The following FRMD4B variants were observed in gnomAD, a reference collection of about 807,000 sequenced individuals.
The protein encoded by FRMD4B is FERM domain-containing protein 4B.
FRMD4B carries 74 observed loss-of-function variants against 141.5 expected under a neutral mutation model. That is an observed-to-expected ratio of 0.52 (90% CI 0.43 to 0.63). The LOEUF (loss-of-function observed/expected upper bound fraction) is 0.63, where lower values mean the gene tolerates loss of function less well. Ranked by LOEUF, FRMD4B falls within the 30% of genes least tolerant of loss-of-function variation. The probability of loss-of-function intolerance (pLI) is 0.00; values close to 1 mark genes in which losing one functional copy is unlikely to be tolerated. For synonymous variants in FRMD4B, 506 were observed against 467.9 expected, an observed-to-expected ratio of 1.08 and a Z score of -1.05; for missense variants, 1,366 against 1,253.4, an observed-to-expected ratio of 1.09 and a Z score of -1.36.
At chr3:69,499,642 T>C (rs1706459703) in intron 1 of FRMD4B, among the ~76,000 whole-genome samples, 1 of 152,208 alleles carries the variant, frequency 6.6e-6, no homozygotes, top group Admixed American at 6.5e-5. Flanking sequence ...TGAGGAATTC[T>C]CTCTACTGAA....
At chr3:69,311,931 G>A (rs1701606395) in intron 2 of FRMD4B, among the ~76,000 whole-genome samples, 1 of 152,062 alleles carries the variant, frequency 6.6e-6, no homozygotes, top group African/African-American at 2.4e-5. Flanking sequence ...TTTTATAAAT[G>A]AGTCAACCAA....
chr3:69,198,707 T>A lies in FRMD4B; in HGVS notation c.944A>T (p.Asp315Val). The A allele has an allele frequency of 6.5e-7, 1 of 1,531,908 alleles. No homozygotes were observed. The highest frequency in any genetic ancestry group is 2.3e-5 in the East Asian group (1 of 43,584). 94.9% of individuals were successfully genotyped at this position (1,531,908 alleles called of 1,614,324 possible). The change falls in exon 12 of 23, where the codon GAT (aspartate) becomes GTT (valine). Residue 315 changes from aspartate (D) to valine (V), a missense_variant. By Grantham distance (152) the Asp-to-Val change is radical. Transcript: ENST00000398540. ...REKKFAVEVH[D>V]PRRISVSRRT... ...CGTCTTTGATCCTCACCTTCGTGGA[T>A]CATGAACTTCAACAGCAAATTTTTT...
At chr3:69,417,309 T>C (rs575465198) in intron 2 of FRMD4B, among the ~76,000 whole-genome samples, 46 of 152,348 alleles carry the variant, frequency 3.0e-4, no homozygotes, top group African/African-American at 7.0e-4. Flanking sequence ...CCAGTGACGA[T>C]GAGCTTTTTT....
intron 13 of FRMD4B, 58 bp from the exon 14 acceptor site, chr3:69,196,454 A>G: frequency 7.6e-7 from 1 of 1,310,542 alleles, no homozygotes; most frequent in Non-Finnish European, 1.1e-6. Flanking sequence ...AATTAATGAA[A>G]CAATTAAGTT....
chr3:69,198,797 G>A (rs781597132), intron 11 of FRMD4B, 23 bp from the exon 12 acceptor site: 8 of 1,228,556 alleles, frequency 6.5e-6, no homozygotes, highest in African/African-American at 1.5e-5. Context: ...GAAAAGCCAG[G>A]AAGTATTATT....
chr3:69,496,634 AGAAAGAGAGAGAGAGAG>A (rs1706399046), intron 1 of FRMD4B, among the ~76,000 whole-genome samples: 2 of 110,096 alleles, frequency 1.8e-5, no homozygotes, highest in South Asian at 6.1e-4. Context: ...AGAGAGAGAG[AGAAAGAGAGAGAGAGAG>A]AGAGAGAGAG....
chr3:69,217,604 A>G (rs1343305256), intron 10 of FRMD4B, among the ~76,000 whole-genome samples: 1 of 152,230 alleles, frequency 6.6e-6, no homozygotes, highest in Non-Finnish European at 1.5e-5. Flanking sequence ...ACTGGGCAAT[A>G]GAGCTAGACT....
intron 5 of FRMD4B, among the ~76,000 whole-genome samples, chr3:69,274,139 A>AG (rs949814359): frequency 1.4e-4 from 21 of 152,150 alleles, no homozygotes; most frequent in African/African-American, 5.1e-4. Flanking sequence ...CAAAGAGCCT[A>AG]GAGTGATAAG....
At chr3:69,413,303 A>G (rs1704792491) in intron 2 of FRMD4B, among the ~76,000 whole-genome samples, 1 of 152,076 alleles carries the variant, frequency 6.6e-6, no homozygotes, top group Admixed American at 6.5e-5. Context: ...CATTATCCTG[A>G]TTATCTCCAT....
chr3:69,505,688 TACA>T (rs1706583616), intron 1 of FRMD4B, among the ~76,000 whole-genome samples: 1 of 152,238 alleles, frequency 6.6e-6, no homozygotes, highest in African/African-American at 2.4e-5. Context: ...CTTATTTATT[TACA>T]ACATGTTACA....
intron 1 of FRMD4B, among the ~76,000 whole-genome samples, chr3:69,452,862 A>G (rs4855408): frequency 0.26 from 39,022 of 152,062 alleles, 5,624 homozygotes; most frequent in East Asian, 0.47. Flanking sequence ...AAAAGTAAGA[A>G]AGAAAAATAG....
At chr3:69,419,218 GAC>G (rs1704927204) in intron 2 of FRMD4B, among the ~76,000 whole-genome samples, 3 of 152,178 alleles carry the variant, frequency 2.0e-5, no homozygotes, top group Admixed American at 6.5e-5. Flanking sequence ...AACTGAAACT[GAC>G]CAAAGCAAGT....
intron 11 of FRMD4B, among the ~76,000 whole-genome samples, chr3:69,207,679 A>G (rs9873171): frequency 0.77 from 117,159 of 151,912 alleles, 46,806 homozygotes; most frequent in Non-Finnish European, 0.88. Flanking sequence ...GTGGTGGGAC[A>G]TGCCTATACT....
chr3:69,496,584 G>C (rs1706391667), intron 1 of FRMD4B, among the ~76,000 whole-genome samples: 1 of 141,378 alleles, frequency 7.1e-6, no homozygotes, highest in Non-Finnish European at 1.5e-5. Context: ...ATAAAGAAGA[G>C]TACAGGTGAA....
rs1160635117 is a variant in FRMD4B at position 69,287,695 on chromosome 3, C to CCCAGTCGCT, written c.501+56_501+57insAGCGACTGG. The CCCAGTCGCT allele has an allele frequency of 9.4e-6, 8 of 848,774 alleles. No individual in the cohort carries two copies. The African/African-American group carries it at 1.0e-4, about 11-fold the overall frequency. The allele number at this position is 848,774 out of a possible 1,614,324, so 52.6% of individuals were successfully genotyped here. Reference sequence around the variant, plus strand: ...AAGAAGAGAGGCAAAACCATTTCTTCCTGTCATCCCAGTCGCTCTGGAGGC... The same window carrying CCCAGTCGCT: ...AAGAAGAGAGGCAAAACCATTTCTTCCCAGTCGCTCTGTCATCCCAGTCGCTCTGGAGGC... On this transcript the variant is annotated intron_variant, in intron 5 of 22. Coordinates refer to ENST00000398540, the MANE Select transcript of FRMD4B (RefSeq NM_015123.3).
At chr3:69,396,002 G>A (rs931935575) in intron 2 of FRMD4B, among the ~76,000 whole-genome samples, 1 of 152,138 alleles carries the variant, frequency 6.6e-6, no homozygotes, top group Non-Finnish European at 1.5e-5. Flanking sequence ...AGTCTGGTGG[G>A]TTTATAGATA....
intron 11 of FRMD4B, among the ~76,000 whole-genome samples, chr3:69,211,366 T>A (rs1402116535): frequency 6.6e-6 from 1 of 152,110 alleles, no homozygotes; most frequent in Non-Finnish European, 1.5e-5. Context: ...TTTCCCTGCA[T>A]CACTGTACTA....
chr3:69,271,315 G>C (rs992365937), intron 5 of FRMD4B, among the ~76,000 whole-genome samples: 2 of 152,166 alleles, frequency 1.3e-5, no homozygotes, highest in African/African-American at 4.8e-5. Flanking sequence ...ATTTACCCTG[G>C]CTAGTGCCAA....
intron 1 of FRMD4B, among the ~76,000 whole-genome samples, chr3:69,489,486 T>A (rs1338268869): frequency 6.6e-6 from 1 of 152,100 alleles, no homozygotes; most frequent in East Asian, 1.9e-4. Context: ...CATGAAAAGA[T>A]GCTCAGTCTC....
Sources: gnomAD v4.1 joint callset for allele counts (sites outside exome capture counted in the v4.1 genomes callset) on GRCh38, gnomAD v4.1.1 for gene constraint, MANE v1.5 for transcripts, NCBI Gene and HGNC (gene_info 2026-07-23, HGNC 2026-07-21) for gene names.